Variants in ZNF483 observed in about 807,000 individuals in gnomAD.
The protein encoded by ZNF483 is zinc finger protein 483.
A neutral mutation model predicts 28.6 loss-of-function variants in ZNF483; 9 were observed. That is an observed-to-expected ratio of 0.32 (90% CI 0.19 to 0.55). The LOEUF (loss-of-function observed/expected upper bound fraction) is 0.55, where lower values mean the gene tolerates loss of function less well. ZNF483 is among the 20% of genes least tolerant of loss of function. ZNF483 has a pLI of 0.93. For missense variants in ZNF483, 675 were observed against 871.7 expected (o/e 0.77, Z 2.84); for synonymous variants, 322 against 306.2 (o/e 1.05, Z -0.54).
intron 5 of ZNF483, among the ~76,000 whole-genome samples, chr9:111,561,620 A>G (rs1828324658): frequency 6.6e-6 from 1 of 152,192 alleles, no homozygotes; most frequent in Non-Finnish European, 1.5e-5. Context: ...GTAGATGTAT[A>G]GACATTCCTG....
At chr9:111,536,036 G>A (rs917310214) in intron 5 of ZNF483, among the ~76,000 whole-genome samples, 6 of 150,540 alleles carry the variant, frequency 4.0e-5, no homozygotes, top group African/African-American at 9.7e-5. Context: ...CTATAGGCAC[G>A]CGCCACCACG....
chr9:111,531,653 G>T (rs780541917), intron 3 of ZNF483, among the ~76,000 whole-genome samples: 3 of 152,140 alleles, frequency 2.0e-5, no homozygotes, highest in Admixed American at 6.5e-5. Context: ...TGGGATTACA[G>T]GTGTGAGCCA....
intron 3 of ZNF483, among the ~76,000 whole-genome samples, chr9:111,531,976 C>T (rs192770573): frequency 6.6e-6 from 1 of 152,184 alleles, no homozygotes; most frequent in Non-Finnish European, 1.5e-5. Context: ...AGCCACTGTG[C>T]CCAGACAGAA....
At chr9:111,537,733 CCTCTCACCTCAGCCT>C (rs1430642292) in intron 5 of ZNF483, among the ~76,000 whole-genome samples, 3 of 152,096 alleles carry the variant, frequency 2.0e-5, no homozygotes, top group Admixed American at 6.6e-5. Context: ...CTGAAGCGAT[CCTCTCACCTCAGCCT>C]CTTGAGTAGC....
Position 111,543,818 on chromosome 9 carries a change from CTA to C in ZNF483, c.*650_*651del. ...TTTTCTTTTTTGGGATGGAGTCTCACTATGTTGCCCAGACTGGTCTTGAACTC... is the reference window on the plus strand; with the variant it reads ...TTTTCTTTTTTGGGATGGAGTCTCACTGTTGCCCAGACTGGTCTTGAACTC... On this transcript the variant is annotated 3_prime_UTR_variant, in exon 6 of 6. Transcript: ENST00000309235. The C allele has an allele frequency of 1.1e-6, 1 of 882,698 alleles. No homozygotes were observed. The highest frequency in any genetic ancestry group is 1.3e-6 in the Non-Finnish European group (1 of 741,354). The allele number at this position is 882,698 out of a possible 1,614,324, so 54.7% of individuals were successfully genotyped here.
intron 5 of ZNF483, among the ~76,000 whole-genome samples, chr9:111,541,319 G>A (rs538187585): frequency 1.3e-5 from 2 of 152,116 alleles, no homozygotes; most frequent in East Asian, 3.9e-4. Context: ...TTGATCTCCT[G>A]ACCTCATGAT....
rs746101013 is a variant in ZNF483, at chr9:111,560,944, AAT to A, written c.722-15391_722-15390del. ...GGCAACAGAGTGAGACTCCATCTAA[AAT>A]ATATATATATATATATATATATATA... is the stretch of plus-strand genomic sequence containing the variant. On this transcript the variant is annotated intron_variant, in intron 5 of 5. Transcript: ENST00000358151. 1.9e-3 allele frequency among the ~76,000 whole-genome samples: 58 copies of A among 31,208 alleles called. 8 individuals carry two copies. Among genetic ancestry groups the A allele is most frequent in the Non-Finnish European group, 2.5e-3 (44 of 17,508 alleles). The allele number at this position is 31,208 out of a possible 152,430, so 20.5% of individuals were successfully genotyped here.
chr9:111,571,596 G>A (rs747651020), intron 5 of ZNF483, among the ~76,000 whole-genome samples: 23 of 132,176 alleles, frequency 1.7e-4, no homozygotes, highest in Non-Finnish European at 3.4e-4. Context: ...TCCCACCTCC[G>A]CCCTGCAAGT....
Position 111,542,757 on chromosome 9 carries a change from T to C in ZNF483, c.1822T>C (p.Leu608=). ...QRIHTGEKPY[L]CNDCGMTFSH... ...AATTCACACTGGAGAAAAACCATAT[T>C]TGTGTAATGATTGCGGAATGACTTT... The change falls in exon 6 of 6, where the codon TTG becomes CTG. Residue 608 remains leucine (L), a synonymous_variant. Transcript: ENST00000309235. The surrounding 1 kb of genome is among the most constrained non-coding windows in gnomAD (Gnocchi z 6.2). The C allele has an allele frequency of 6.2e-7, 1 of 1,614,060 alleles. No individual in the cohort carries two copies. Among genetic ancestry groups the C allele is most frequent in the Non-Finnish European group, 8.5e-7 (1 of 1,179,986 alleles).
Position 111,536,433 on chromosome 9 carries a change from GAGA to G in ZNF483, c.721+2082_721+2084del, listed in dbSNP as rs1564594410. ...CCAGCTACTCTGGAGGCTGAGGCAGGAGAATCGCTTGAACCTGGGAAGTGGAGC... is the reference window on the plus strand; with the variant it reads ...CCAGCTACTCTGGAGGCTGAGGCAGGATCGCTTGAACCTGGGAAGTGGAGC... On this transcript the variant is annotated intron_variant, in intron 5 of 5. Transcript: ENST00000309235. Among the ~76,000 whole-genome samples, 16 of 152,138 alleles carry G rather than the reference GAGA, an allele frequency of 1.1e-4. 1 individual carries two copies. Among genetic ancestry groups the G allele is most frequent in the Admixed American group, 1.3e-4 (2 of 15,280 alleles).
intron 5 of ZNF483, among the ~76,000 whole-genome samples, chr9:111,539,038 G>T (rs1206569247): frequency 6.7e-6 from 1 of 148,446 alleles, no homozygotes; most frequent in Non-Finnish European, 1.5e-5. Context: ...GCGTGAACCC[G>T]GGAGGCGGAG....
In ZNF483 at chr9:111,542,654, T is replaced by C. The variant is rs754126938; in HGVS notation, c.1719T>C (p.His573=). The part of the protein sequence containing the change: ...SSSLSKHQRI[H]TGEKPYKCGE... ...CCCTTTCCAAACATCAGAGAATTCA[T>C]ACTGGAGAGAAACCCTATAAATGTG... Residue 573 remains histidine, a synonymous_variant, in exon 6 of 6, where the codon CAT becomes CAC. Transcript: ENST00000309235. This position sits in a 1 kb window ranked among gnomAD's most constrained non-coding sequence, Gnocchi z 6.2. The C allele has an allele frequency of 1.1e-5, 17 of 1,613,888 alleles. No individual in the cohort carries two copies. The highest frequency in any genetic ancestry group is 1.4e-5 in the Non-Finnish European group (17 of 1,179,984).
intron 1 of ZNF483, among the ~76,000 whole-genome samples, chr9:111,525,501 T>TTG (rs10634116): frequency 0.75 from 113,772 of 151,844 alleles, 43,154 homozygotes; most frequent in African/African-American, 0.85. Flanking sequence ...CTTGTTTTGT[T>TTG]TGTGGTGTGG....
chr9:111,556,492 A>C (rs977932792), downstream of ZNF483, among the ~76,000 whole-genome samples: 9 of 152,280 alleles, frequency 5.9e-5, no homozygotes, highest in African/African-American at 2.2e-4. Flanking sequence ...CTCCTGCAGC[A>C]GACTTCTGCC....
intron 5 of ZNF483, among the ~76,000 whole-genome samples, chr9:111,573,903 G>C (rs890340607): frequency 2.9e-4 from 44 of 152,270 alleles, no homozygotes; most frequent in Non-Finnish European, 4.1e-4. Flanking sequence ...GCATGGCAGG[G>C]CACCAGAGAA....
At chr9:111,560,636 CAAAA>C (rs1015199330) in intron 5 of ZNF483, among the ~76,000 whole-genome samples, 82 of 26,290 alleles carry the variant, frequency 3.1e-3, no homozygotes, top group Non-Finnish European at 1.1e-3. Context: ...GACACCATCT[CAAAA>C]AAAAAAAAAA....
At chr9:111,541,086 AC>A (rs1452108462) in intron 5 of ZNF483, among the ~76,000 whole-genome samples, 2 of 141,174 alleles carry the variant, frequency 1.4e-5, no homozygotes, top group Non-Finnish European at 3.0e-5. Flanking sequence ...ATAAGTTTGA[AC>A]CTTTTTTTTT....
chr9:111,543,295 T>C lies in ZNF483; in HGVS notation c.*125T>C, dbSNP rs1309518871. 9.7e-6 allele frequency: 14 copies of C among 1,436,316 alleles called. No homozygotes were observed. Among genetic ancestry groups the C allele is most frequent in the East Asian group, 2.5e-5 (1 of 40,182 alleles). The allele number at this position is 1,436,316 out of a possible 1,614,324, so 89.0% of individuals were successfully genotyped here. On this transcript the variant is annotated 3_prime_UTR_variant, in exon 6 of 6. Coordinates refer to ENST00000309235, the MANE Select transcript of ZNF483 (RefSeq NM_133464.5). ...CGTAAATTGGCAGTTAGGAAAAATA[T>C]CCTTTTGCCCATTCATCCCTCTTCT...
At chr9:111,562,893 C>G (rs931190111) in intron 5 of ZNF483, 11 of 1,252,662 alleles carry the variant, frequency 8.8e-6, no homozygotes, top group African/African-American at 1.5e-5. Context: ...TCTACCACAA[C>G]TCAGAAGAAG....
Sources: allele counts gnomAD v4.1 joint callset (sites outside exome capture counted in the v4.1 genomes callset), GRCh38; gene constraint gnomAD v4.1.1; non-coding constraint Gnocchi (gnomAD v3.1); transcripts MANE v1.5; gene names NCBI Gene and HGNC (gene_info 2026-07-23, HGNC 2026-07-21).